MYPN: variants seen among roughly 807,000 people sequenced by gnomAD.
MYPN encodes the protein myopalladin.
In MYPN, 63 loss-of-function variants were observed where a neutral mutation model predicts 129.4. The observed-to-expected ratio is 0.49, with a 90% CI of 0.40 to 0.60. The LOEUF is 0.60. MYPN is among the 20% of genes least tolerant of loss of function. MYPN has a pLI of 0.00. For synonymous variants in MYPN, 629 were observed against 600.9 expected (o/e 1.05, Z -0.68); for missense variants, 1,596 against 1,635.4 (o/e 0.98, Z 0.42).
rs1356561780 is a variant in MYPN at position 68,189,147 on chromosome 10, G to A, written c.2925+21G>A. 2.5e-6 allele frequency: 4 copies of A among 1,571,594 alleles called. No homozygotes were observed. The Admixed American group carries it at 5.0e-5, about 20-fold the overall frequency. ...CAAAGGTAGGGAAGATGACAAGCCA[G>A]TTGGCCACCTCACAGCATGAAGCTA... On this transcript the variant is annotated intron_variant, in intron 13 of 19. Coordinates refer to ENST00000358913, the MANE Select transcript of MYPN (RefSeq NM_032578.4).
intron 1 of MYPN, among the ~76,000 whole-genome samples, chr10:68,119,791 C>G (rs1383262604): frequency 1.3e-5 from 2 of 152,194 alleles, no homozygotes; most frequent in Non-Finnish European, 2.9e-5. Flanking sequence ...CGGGCAATCT[C>G]AGTCTGTGGC....
intron 1 of MYPN, among the ~76,000 whole-genome samples, chr10:68,116,265 G>A (rs2042155314): frequency 7.0e-6 from 1 of 142,142 alleles, no homozygotes; most frequent in Non-Finnish European, 1.5e-5. Context: ...AAAATAGAAA[G>A]TTTTTAAATT....
intron 6 of MYPN, among the ~76,000 whole-genome samples, chr10:68,151,982 C>G (rs2042778446): frequency 6.6e-6 from 1 of 152,084 alleles, no homozygotes; most frequent in Non-Finnish European, 1.5e-5. Flanking sequence ...GGTTTTATAC[C>G]TTTAGGGAGA....
At position 68,174,168 on chromosome 10, in the gene MYPN, G is replaced by A; in HGVS notation, c.2076G>A (p.Met692Ile). The A allele has an allele frequency of 6.2e-7, 1 of 1,614,002 alleles. No individual in the cohort carries two copies. The highest frequency in any genetic ancestry group is 8.5e-7 in the Non-Finnish European group (1 of 1,179,946). ...PSSPKEFPFS[M>I]TVLNSNAPPA... ...CTCCTAAGGAGTTTCCTTTCAGCAT[G>A]ACTGTTTTGAACTCCAATGCTCCCC... The change falls in exon 11 of 20, where the codon ATG (methionine) becomes ATA (isoleucine). Residue 692 changes from methionine (M) to isoleucine (I), a missense_variant. Coordinates refer to ENST00000358913, the MANE Select transcript of MYPN (RefSeq NM_032578.4).
chr10:68,124,866 G>A (rs1254896718), intron 2 of MYPN, among the ~76,000 whole-genome samples: 1 of 152,190 alleles, frequency 6.6e-6, no homozygotes, highest in Non-Finnish European at 1.5e-5. Flanking sequence ...CGTGCCTGAT[G>A]ATACTCCCTG....
intron 13 of MYPN, 146 bp downstream of exon 13, chr10:68,189,272 T>C: frequency 1.5e-6 from 1 of 673,550 alleles, no homozygotes; most frequent in Non-Finnish European, 2.6e-6. Context: ...TTAGGGTATA[T>C]GCAATATTTT....
rs576761041 is a variant in MYPN, at chr10:68,089,203, T to G, written c.-2+1211T>G. Among the ~76,000 whole-genome samples the G allele has an allele frequency of 2.0e-4, 30 of 152,200 alleles. 1 individual carries two copies. The East Asian group carries it at 5.8e-3, about 29-fold the overall frequency. On this transcript the variant is annotated intron_variant, in intron 1 of 6. Coordinates refer to the MYPN transcript ENST00000685154. ...TGCGCCACAGTGCTCAGCTAATTTT[T>G]GTATTTTTAGTAGAGACAGGGTTTT...
rs6480306 is a variant in MYPN, at chr10:68,175,478, T to C, written c.2703+17T>C. 1,607,984 of 1,613,918 alleles carry C rather than the reference T, an allele frequency of 1. 801,180 individuals are homozygous for C. Among genetic ancestry groups the C allele is most frequent in the East Asian group, 1 (44,873 of 44,874 alleles). On this transcript the variant is annotated intron_variant, in intron 12 of 19. Transcript: ENST00000358913. ...AACCAGCAGGTAAGATTGTTGGATT[T>C]AGAAGGTTTATTGAAATTTTATTGT...
At chr10:68,089,466 C>G (rs548735477) in intron 1 of MYPN, among the ~76,000 whole-genome samples, 5 of 152,188 alleles carry the variant, frequency 3.3e-5, no homozygotes, top group African/African-American at 1.2e-4. Flanking sequence ...CTCAGCCTCC[C>G]GAGTAGCTGG....
chr10:68,166,157 C>A, intron 9 of MYPN, 137 bp from the exon 10 acceptor site: 3 of 995,444 alleles, frequency 3.0e-6, no homozygotes, highest in Non-Finnish European at 4.8e-6. Flanking sequence ...TTCTTTAATG[C>A]CCAGATGATG....
At chr10:68,094,163 T>G (rs1323350887) in intron 1 of MYPN, among the ~76,000 whole-genome samples, 2 of 152,294 alleles carry the variant, frequency 1.3e-5, no homozygotes, top group East Asian at 3.9e-4. Flanking sequence ...ATCTATATCT[T>G]GTGAAACCAA....
chr10:68,106,209 T>A, upstream of MYPN: 1 of 453,664 alleles, frequency 2.2e-6, no homozygotes, highest in South Asian at 1.6e-5. Context: ...CTTCTCAGGA[T>A]AATGTTTTAA....
Position 68,150,380 on chromosome 10 carries a change from G to A in MYPN, c.1317+269G>A, listed in dbSNP as rs150863928. The stretch of plus-strand genomic sequence containing the variant: ...CTGTTCAACATAGGAGCCACCCCTA[G>A]AGGTCAAGTGATAAATTTCTAGCCA... On this transcript the variant is annotated intron_variant, in intron 6 of 19. Transcript: ENST00000358913. Among the ~76,000 whole-genome samples, 111 of 152,256 alleles carry A rather than the reference G, an allele frequency of 7.3e-4. No homozygotes were observed. The Middle Eastern group carries it at 0.014, about 19-fold the overall frequency.
At chr10:68,142,912 T>C (rs750388259) in intron 2 of MYPN, 28 bp from the exon 3 acceptor site, 17 of 1,610,676 alleles carry the variant, frequency 1.1e-5, no homozygotes, top group Non-Finnish European at 1.3e-5. Context: ...TTGAGTCATG[T>C]CCAATGACCA....
intron 2 of MYPN, among the ~76,000 whole-genome samples, chr10:68,125,743 G>C (rs2042316343): frequency 6.6e-6 from 1 of 152,220 alleles, no homozygotes; most frequent in Non-Finnish European, 1.5e-5. Context: ...ACTTTGAATA[G>C]TGAAAATTTA....
At chr10:68,145,376 G>A (rs1589552919) in intron 3 of MYPN, 99 bp from the exon 4 acceptor site, 2 of 964,980 alleles carry the variant, frequency 2.1e-6, no homozygotes. Flanking sequence ...TAGGAATCAG[G>A]TAAACAAAGT....
chr10:68,152,063 G>T (rs1402281690), intron 6 of MYPN, among the ~76,000 whole-genome samples: 1 of 152,136 alleles, frequency 6.6e-6, no homozygotes, highest in Non-Finnish European at 1.5e-5. Flanking sequence ...ACTGGAAGTT[G>T]GGCCTTCCAA....
At chr10:68,170,582 T>C (rs2043129139) in intron 10 of MYPN, among the ~76,000 whole-genome samples, 1 of 152,160 alleles carries the variant, frequency 6.6e-6, no homozygotes, top group Non-Finnish European at 1.5e-5. Context: ...TTCAATTTGC[T>C]ATTCATATGG....
intron 2 of MYPN, among the ~76,000 whole-genome samples, chr10:68,141,187 G>A (rs1246825949): frequency 6.6e-6 from 1 of 151,998 alleles, no homozygotes; most frequent in Admixed American, 6.6e-5. Flanking sequence ...TGGTCAACAT[G>A]GTGAAACCCT....
Sources: allele counts gnomAD v4.1 joint callset (sites outside exome capture counted in the v4.1 genomes callset), GRCh38; gene constraint gnomAD v4.1.1; transcripts MANE v1.5; gene names NCBI Gene and HGNC (gene_info 2026-07-23, HGNC 2026-07-21).